ADAM9: variants seen among roughly 807,000 people sequenced by gnomAD.
ADAM9 encodes ADAM metallopeptidase domain 9.
A neutral mutation model predicts 108.1 loss-of-function variants in ADAM9; 54 were observed. The ratio of observed to expected loss-of-function variants is 0.50; its 90% CI spans 0.40 to 0.63. The LOEUF is 0.63. Ranked by LOEUF, ADAM9 falls within the 20% of genes least tolerant of loss-of-function variation. The probability of loss-of-function intolerance (pLI) is 0.00; values close to 1 mark genes in which losing one functional copy is unlikely to be tolerated. For missense variants in ADAM9, 830 were observed against 997.7 expected, an observed-to-expected ratio of 0.83 and a Z score of 2.26; for synonymous variants, 316 against 336.0, an observed-to-expected ratio of 0.94 and a Z score of 0.65.
chr8:39,045,126 GCATACATACATATA>G (rs1837627965), intron 12 of ADAM9, among the ~76,000 whole-genome samples: 5 of 77,522 alleles, frequency 6.4e-5, no homozygotes, highest in Admixed American at 5.1e-4. Context: ...ATGTGTGTGT[GCATACATACATATA>G]TGTGTATATA....
intron 14 of ADAM9, among the ~76,000 whole-genome samples, chr8:39,060,128 A>G (rs906824330): frequency 2.0e-5 from 3 of 152,150 alleles, no homozygotes; most frequent in Non-Finnish European, 2.9e-5. Flanking sequence ...TAAATGTTCA[A>G]TTTCTACTTT....
chr8:39,051,370 A>T (rs1466670930), intron 12 of ADAM9, among the ~76,000 whole-genome samples: 1 of 152,146 alleles, frequency 6.6e-6, no homozygotes, highest in African/African-American at 2.4e-5. Flanking sequence ...ATTGCCTGGG[A>T]TGTAGTAGCC....
At chr8:39,016,983 A>G (rs748773249) in intron 5 of ADAM9, 4 of 520,822 alleles carry the variant, frequency 7.7e-6, no homozygotes, top group Non-Finnish European at 1.0e-5. Context: ...CATTTCCCGT[A>G]GATCACTCAG....
intron 21 of ADAM9, 36 bp downstream of exon 21, chr8:39,101,966 A>G (rs2129443642): frequency 6.5e-7 from 1 of 1,543,252 alleles, no homozygotes; most frequent in Non-Finnish European, 9.0e-7. Context: ...TTTGGCCAGA[A>G]TAAAACCTAG....
At chr8:39,035,607 A>G (rs1370973277) in intron 11 of ADAM9, among the ~76,000 whole-genome samples, 3 of 152,128 alleles carry the variant, frequency 2.0e-5, no homozygotes, top group Non-Finnish European at 4.4e-5. Flanking sequence ...TCACGAGGTC[A>G]GGAGATCGAG....
chr8:39,101,657 C>T (rs1839698548), intron 20 of ADAM9, among the ~76,000 whole-genome samples: 1 of 151,926 alleles, frequency 6.6e-6, no homozygotes, highest in Admixed American at 6.6e-5. Flanking sequence ...GGGTCCCGTC[C>T]CCAAAATATC....
intron 1 of ADAM9, among the ~76,000 whole-genome samples, chr8:39,001,834 TAA>T (rs1426085197): frequency 6.6e-6 from 1 of 152,006 alleles, no homozygotes; most frequent in Non-Finnish European, 1.5e-5. Flanking sequence ...CACACCTGGC[TAA>T]ATTTTGTATT....
chr8:39,009,999 A>G (rs1836304600), intron 2 of ADAM9, among the ~76,000 whole-genome samples: 1 of 144,692 alleles, frequency 6.9e-6, no homozygotes, highest in Admixed American at 7.2e-5. Flanking sequence ...ATATTACTTC[A>G]GATGGTGATA....
At chr8:39,047,117 G>T (rs1837800302) in intron 12 of ADAM9, among the ~76,000 whole-genome samples, 1 of 152,092 alleles carries the variant, frequency 6.6e-6, no homozygotes, top group Non-Finnish European at 1.5e-5. Context: ...TTTGTATATT[G>T]AGCCATCCCA....
At chr8:39,100,399 A>G (rs1839652421) in intron 20 of ADAM9, among the ~76,000 whole-genome samples, 1 of 151,382 alleles carries the variant, frequency 6.6e-6, no homozygotes, top group Admixed American at 6.6e-5. Context: ...AGGCTGAGGC[A>G]GGAGAATGGT....
At chr8:39,064,192 A>G (rs1370034582) in intron 14 of ADAM9, among the ~76,000 whole-genome samples, 1 of 152,126 alleles carries the variant, frequency 6.6e-6, no homozygotes, top group East Asian at 1.9e-4. Context: ...ATGTTTTTGG[A>G]CTGCAATTAC....
chr8:39,088,514 C>G (rs1839246955), intron 18 of ADAM9, among the ~76,000 whole-genome samples: 1 of 152,070 alleles, frequency 6.6e-6, no homozygotes, highest in South Asian at 2.1e-4. Flanking sequence ...GCCTCGGCCT[C>G]CCAAAGCGCT....
intron 11 of ADAM9, among the ~76,000 whole-genome samples, chr8:39,039,907 G>A (rs1469664334): frequency 3.3e-5 from 5 of 152,140 alleles, no homozygotes; most frequent in Non-Finnish European, 7.4e-5. Context: ...TGAGATTGCT[G>A]GGTCATATGA....
chr8:39,067,457 A>C (rs1838520644), intron 14 of ADAM9, among the ~76,000 whole-genome samples: 2 of 152,140 alleles, frequency 1.3e-5, no homozygotes, highest in South Asian at 4.1e-4. Context: ...CTCCTTGAAG[A>C]GGTCCTTCAC....
intron 1 of ADAM9, among the ~76,000 whole-genome samples, chr8:39,003,506 A>C (rs986712480): frequency 7.9e-5 from 12 of 151,830 alleles, no homozygotes; most frequent in African/African-American, 2.9e-4. Context: ...AAAACAACTA[A>C]AGGGAATTTG....
chr8:39,077,228 GA>G lies in ADAM9; in HGVS notation c.1700del (p.Asn567MetfsTer41). 1 of 1,613,786 alleles carries G rather than the reference GA, an allele frequency of 6.2e-7. No individual in the cohort carries two copies. Among genetic ancestry groups the G allele is most frequent in the South Asian group, 1.1e-5 (1 of 91,080 alleles). ...GNEYKKCATG[N>X]ALCGKLQCEN... Reference sequence around the variant, plus strand: ...TTGCATTATTTCTCTCTCTTTATAGGAATGCTTTGTGTGGAAAGCTTCAGTG... The same window carrying G: ...TTGCATTATTTCTCTCTCTTTATAGGATGCTTTGTGTGGAAAGCTTCAGTG... On this transcript the variant is annotated frameshift_variant and splice_region_variant, in exon 16 of 22. Coordinates refer to ENST00000487273, the MANE Select transcript of ADAM9 (RefSeq NM_003816.3). LOFTEE classifies it high-confidence loss of function.
intron 14 of ADAM9, among the ~76,000 whole-genome samples, chr8:39,057,424 G>A (rs748466744): frequency 6.7e-6 from 1 of 150,320 alleles, no homozygotes; most frequent in Non-Finnish European, 1.5e-5. Context: ...TATTCTCCTG[G>A]AGGAATCTGA....
chr8:39,084,411 C>A (rs1169280731), intron 18 of ADAM9, among the ~76,000 whole-genome samples: 1 of 151,204 alleles, frequency 6.6e-6, no homozygotes, highest in African/African-American at 2.4e-5. Context: ...TGTTATACCT[C>A]CATGTTCATT....
intron 18 of ADAM9, among the ~76,000 whole-genome samples, chr8:39,085,265 A>G (rs1839150386): frequency 6.6e-6 from 1 of 151,866 alleles, no homozygotes; most frequent in Non-Finnish European, 1.5e-5. Context: ...GTATATTTCC[A>G]TTTCTCTCAT....
Sources: gnomAD v4.1 joint callset for allele counts (sites outside exome capture counted in the v4.1 genomes callset) on GRCh38, gnomAD v4.1.1 for gene constraint, MANE v1.5 for transcripts, NCBI Gene and HGNC (gene_info 2026-07-23, HGNC 2026-07-21) for gene names.